ZNF138: variants seen among roughly 807,000 people sequenced by gnomAD.
ZNF138 encodes the protein zinc finger protein 138.
In ZNF138, 33 loss-of-function variants were observed where a neutral mutation model predicts 33.0. The observed-to-expected ratio is 1.00, with a 90% CI of 0.76 to 1.34. The LOEUF (loss-of-function observed/expected upper bound fraction) is 1.34. Among genes scored for constraint, ZNF138 ranks in the 40% most tolerant of loss-of-function variants. The pLI is 0.00. For missense variants in ZNF138, 360 were observed against 370.8 expected, an observed-to-expected ratio of 0.97 and a Z score of 0.24; for synonymous variants, 139 against 120.4, an observed-to-expected ratio of 1.15 and a Z score of -1.01.
the ZNF138 span, among the ~76,000 whole-genome samples, chr7:64,847,698 C>T: frequency 5.3e-5 from 8 of 152,068 alleles, no homozygotes; most frequent in Non-Finnish European, 1.2e-4. Flanking sequence ...TGTCTATTTG[C>T]ATGGAATGTT....
rs375043125 is a variant in ZNF138 at position 64,815,605 on chromosome 7, G to A, written c.160G>A (p.Glu54Lys). 6.2e-7 allele frequency: 1 copy of A among 1,612,592 alleles called. No homozygotes were observed. The highest frequency in any genetic ancestry group is 8.5e-7 in the Non-Finnish European group (1 of 1,179,422). The change falls in exon 3 of 4, where the codon GAG becomes AAG. Residue 54 changes from glutamate (E) to lysine (K), a missense_variant. Physicochemically the swap from Glu to Lys is moderately conservative, Grantham distance 56 (BLOSUM62 1). Transcript: ENST00000307355. ...GATTACCTGTCTGGAACAAGGAAAA[G>A]AGCCCTGGAATATGAAGAGACATGA... is the stretch of plus-strand genomic sequence containing the variant. ...DLITCLEQGK[E>K]PWNMKRHEMV... is the part of the protein sequence containing the mutation.
the ZNF138 span, among the ~76,000 whole-genome samples, chr7:64,849,138 G>T: frequency 6.6e-6 from 1 of 152,280 alleles, no homozygotes; most frequent in South Asian, 2.1e-4. Context: ...GTCCCATGGG[G>T]TATTCTCTTG....
At chr7:64,802,836 A>G (rs531372933) in intron 1 of ZNF138, among the ~76,000 whole-genome samples, 1 of 152,116 alleles carries the variant, frequency 6.6e-6, no homozygotes, top group Non-Finnish European at 1.5e-5. Context: ...GCTTATCTTT[A>G]CAGATACAGT....
At chr7:64,799,441 G>T (rs1037043519) in intron 1 of ZNF138, among the ~76,000 whole-genome samples, 1 of 152,102 alleles carries the variant, frequency 6.6e-6, no homozygotes, top group South Asian at 2.1e-4. Context: ...GGGATTACAG[G>T]CTGAGTCATG....
At chr7:64,824,527 TTCTA>T (rs1789416564) in intron 3 of ZNF138, among the ~76,000 whole-genome samples, 1 of 152,232 alleles carries the variant, frequency 6.6e-6, no homozygotes, top group Non-Finnish European at 1.5e-5. Flanking sequence ...TATCTGAACT[TTCTA>T]TTTATTATTG....
chr7:64,850,749 T>C, the ZNF138 span, among the ~76,000 whole-genome samples: 1 of 152,302 alleles, frequency 6.6e-6, no homozygotes, highest in Non-Finnish European at 1.5e-5. Flanking sequence ...ATTAAAGCAG[T>C]TAATACAAAT....
At chr7:64,801,380 C>T (rs1787126183) in intron 1 of ZNF138, among the ~76,000 whole-genome samples, 1 of 152,112 alleles carries the variant, frequency 6.6e-6, no homozygotes, top group African/African-American at 2.4e-5. Context: ...TCATTTGTTT[C>T]AAAGAGCTTT....
chr7:64,794,478 C>T lies in ZNF138; in HGVS notation c.-91C>T, dbSNP rs1020880569. ...TCTGGCCTTCACTTTTCTGCGTCCT[C>T]TTACTCCTAGAGGCCCAGCCTCTGT... On this transcript the variant is annotated 5_prime_UTR_variant, in exon 1 of 4. Coordinates refer to ENST00000307355, the MANE Select transcript of ZNF138 (RefSeq NM_001271639.2). The T allele has an allele frequency of 1.4e-5, 23 of 1,592,030 alleles. No homozygotes were observed. In the African/African-American group the frequency reaches 2.0e-4, roughly 14 times the overall value.
At chr7:64,810,221 C>T (rs371329381) in intron 1 of ZNF138, among the ~76,000 whole-genome samples, 6,972 of 149,404 alleles carry the variant, frequency 0.047, 213 homozygotes, top group East Asian at 0.14. Flanking sequence ...CTTGGGAGGC[C>T]GAGGCTGGTG....
chr7:64,835,674 G>C (rs1012401553), downstream of ZNF138: 2 of 152,168 alleles, frequency 1.3e-5, no homozygotes, highest in Non-Finnish European at 2.9e-5. Context: ...CTGTAAGCAA[G>C]TCTAAGGCCC....
chr7:64,852,521 G>C, the ZNF138 span: 1 of 1,572,510 alleles, frequency 6.4e-7, no homozygotes, highest in Non-Finnish European at 8.7e-7. Flanking sequence ...AATAATCCAT[G>C]CTTGGTGGTC....
At chr7:64,798,907 CT>C (rs34358558) in intron 1 of ZNF138, among the ~76,000 whole-genome samples, 15,875 of 130,048 alleles carry the variant, frequency 0.12, 1,557 homozygotes, top group African/African-American at 0.29. Flanking sequence ...TTCTATGAGC[CT>C]TTTTTTTTTT....
chr7:64,807,794 T>C (rs1787733839), intron 1 of ZNF138, among the ~76,000 whole-genome samples: 1 of 152,202 alleles, frequency 6.6e-6, no homozygotes, highest in South Asian at 2.1e-4. Flanking sequence ...TACAGTAATG[T>C]AAGATGCTCT....
intron 1 of ZNF138, among the ~76,000 whole-genome samples, chr7:64,799,267 G>C (rs1267087416): frequency 1.3e-5 from 2 of 151,770 alleles, no homozygotes; most frequent in Admixed American, 6.6e-5. Flanking sequence ...CTGGATTCAA[G>C]TGATTTCTCC....
intron 3 of ZNF138, among the ~76,000 whole-genome samples, chr7:64,825,154 CTTTTTTTTTTTTTTTTTTTTTTTTTTT>C (rs71061316): frequency 2.2e-5 from 1 of 45,988 alleles, no homozygotes; most frequent in Admixed American, 3.8e-4. Context: ...GTTGTATGCT[CTTTTTTTTTTTTTTTTTTTTTTTTTTT>C]TTTTTTTTTG....
chr7:64,801,005 T>G (rs1787098468), intron 1 of ZNF138, among the ~76,000 whole-genome samples: 1 of 152,170 alleles, frequency 6.6e-6, no homozygotes, highest in Non-Finnish European at 1.5e-5. Flanking sequence ...GTTATTTGTA[T>G]TTTTCTGGGG....
At chr7:64,846,390 A>C in the ZNF138 span, among the ~76,000 whole-genome samples, 7 of 152,232 alleles carry the variant, frequency 4.6e-5, no homozygotes, top group African/African-American at 1.7e-4. Context: ...CTACCCATCC[A>C]TGAGCATGGG....
rs1358433809 is a variant in ZNF138, at chr7:64,798,793, A to G, written c.3+4222A>G. ...AACTCCGACTCAAAAAAAAAAAAAA[A>G]AGGAAATTCTTCCTACATTGATCTT... On this transcript the variant is annotated intron_variant, in intron 1 of 3. Transcript: ENST00000307355. Among the ~76,000 whole-genome samples, 5 of 150,080 alleles carry G rather than the reference A, an allele frequency of 3.3e-5. No individual in the cohort carries two copies. The East Asian group carries it at 1.0e-3, about 30-fold the overall frequency.
the ZNF138 span, among the ~76,000 whole-genome samples, chr7:64,842,656 G>A: frequency 3.1e-4 from 47 of 152,276 alleles, no homozygotes; most frequent in Admixed American, 1.8e-3. Flanking sequence ...TGTTCCCAGA[G>A]TGGCCAGTCA....
Sources: allele counts gnomAD v4.1 joint callset (sites outside exome capture counted in the v4.1 genomes callset), GRCh38; gene constraint gnomAD v4.1.1; transcripts MANE v1.5; gene names NCBI Gene and HGNC (gene_info 2026-07-23, HGNC 2026-07-21).